The following CPAP variants were observed in gnomAD, a reference collection of about 807,000 sequenced individuals.
CPAP encodes the protein centrosome assembly and centriole elongation protein.
chr13:24,933,460 A>C, the CPAP span: 1 of 216,594 alleles, frequency 4.6e-6, no homozygotes, highest in Non-Finnish European at 9.4e-6. Context: ...GTCATAGTGC[A>C]CAGGATTTGC....
the CPAP span, chr13:24,883,856 A>C: frequency 2.4e-6 from 3 of 1,252,034 alleles, no homozygotes; most frequent in Non-Finnish European, 3.5e-6. Context: ...GAACCCCCTA[A>C]TATGGGTGTC....
chr13:24,909,560 A>G, the CPAP span, among the ~76,000 whole-genome samples: 1 of 151,850 alleles, frequency 6.6e-6, no homozygotes, highest in South Asian at 2.1e-4. Flanking sequence ...GACAAAAAAA[A>G]ATAACCATAC....
At chr13:24,906,456 G>T in the CPAP span, 3 of 1,614,100 alleles carry the variant, frequency 1.9e-6, no homozygotes, top group South Asian at 3.3e-5. Context: ...CCTGTTGAAA[G>T]AGGAAGTCTG....
At chr13:24,903,123 G>C in the CPAP span, among the ~76,000 whole-genome samples, 3 of 152,172 alleles carry the variant, frequency 2.0e-5, no homozygotes, top group Non-Finnish European at 4.4e-5. Context: ...ATAGCCTCAT[G>C]TAAGTTCAGT....
At chr13:24,930,893 C>T in the CPAP span, among the ~76,000 whole-genome samples, 2 of 152,326 alleles carry the variant, frequency 1.3e-5, no homozygotes, top group East Asian at 1.9e-4. Context: ...CTCCAAACTG[C>T]TTTCCACAGT....
the CPAP span, among the ~76,000 whole-genome samples, chr13:24,922,476 C>A: frequency 1.3e-5 from 2 of 152,256 alleles, no homozygotes; most frequent in Non-Finnish European, 2.9e-5. Context: ...GCGCTGCCCA[C>A]AGGAACTCAA....
At chr13:24,907,984 T>C in the CPAP span, 2 of 1,355,524 alleles carry the variant, frequency 1.5e-6, no homozygotes, top group Non-Finnish European at 2.1e-6. Flanking sequence ...TTGTACTAAA[T>C]AGTCACATTT....
At chr13:24,885,215 C>G in the CPAP span, 2 of 1,134,570 alleles carry the variant, frequency 1.8e-6, no homozygotes, top group African/African-American at 1.5e-5. Context: ...CTATGTGTTT[C>G]AACTATTTTA....
chr13:24,923,337 T>G, the CPAP span, among the ~76,000 whole-genome samples: 98 of 151,990 alleles, frequency 6.4e-4, no homozygotes, highest in Non-Finnish European at 1.2e-3. Flanking sequence ...CTGAGGTGAC[T>G]TAGTAAAGGA....
At chr13:24,892,805 T>C in the CPAP span, 1 of 1,613,850 alleles carries the variant, frequency 6.2e-7, no homozygotes, top group Non-Finnish European at 8.5e-7. Context: ...TGTGTGTACT[T>C]GACCATTTGG....
chr13:24,896,916 A>G, the CPAP span, among the ~76,000 whole-genome samples: 123 of 152,374 alleles, frequency 8.1e-4, no homozygotes, highest in Non-Finnish European at 1.6e-3. Flanking sequence ...AGAATTTGTT[A>G]TAACTACTGG....
chr13:24,891,239 C>T, the CPAP span, among the ~76,000 whole-genome samples: 1 of 152,072 alleles, frequency 6.6e-6, no homozygotes, highest in Non-Finnish European at 1.5e-5. Context: ...CACACGGACT[C>T]CTGGCCTCCT....
chr13:24,890,241 A>T, the CPAP span, among the ~76,000 whole-genome samples: 1 of 152,222 alleles, frequency 6.6e-6, no homozygotes, highest in South Asian at 2.1e-4. Flanking sequence ...CTAGTGGTTG[A>T]ATCCAAGTGG....
the CPAP span, among the ~76,000 whole-genome samples, chr13:24,897,708 T>A: frequency 6.6e-6 from 1 of 152,196 alleles, no homozygotes; most frequent in Non-Finnish European, 1.5e-5. Flanking sequence ...AATGTATATA[T>A]GTACTTTCTA....
chr13:24,905,404 CTTTGGT>C, the CPAP span: 2 of 1,614,134 alleles, frequency 1.2e-6, no homozygotes, highest in South Asian at 1.1e-5. Context: ...GTGAATCTGA[CTTTGGT>C]TTTGGTTTCA....
the CPAP span, chr13:24,911,973 T>C: frequency 3.7e-6 from 6 of 1,614,040 alleles, no homozygotes; most frequent in South Asian, 2.2e-5. Flanking sequence ...CCAGACACCA[T>C]GGTGAGCAGC....
the CPAP span, chr13:24,884,447 T>C: frequency 6.2e-7 from 1 of 1,614,090 alleles, no homozygotes. Flanking sequence ...GCACCCATTC[T>C]TATAAACCTT....
chr13:24,889,169 T>C, the CPAP span: 2 of 683,406 alleles, frequency 2.9e-6, no homozygotes, highest in African/African-American at 3.6e-5. Context: ...AATAAGATGA[T>C]GCACAGGAGC....
At chr13:24,925,104 C>A in the CPAP span, among the ~76,000 whole-genome samples, 1 of 152,124 alleles carries the variant, frequency 6.6e-6, no homozygotes, top group Non-Finnish European at 1.5e-5. Context: ...CAGAATAATA[C>A]TTATTGTATT....
Sources: gnomAD v4.1 joint callset for allele counts (sites outside exome capture counted in the v4.1 genomes callset) on GRCh38, gnomAD v4.1.1 for gene constraint, MANE v1.5 for transcripts, NCBI Gene and HGNC (gene_info 2026-07-23, HGNC 2026-07-21) for gene names.